Variants in DMXL2 observed in about 807,000 individuals in gnomAD.
DMXL2 encodes the protein dmX-like protein 2.
Under a neutral mutation model 331.1 loss-of-function variants are expected in DMXL2, and 103 were observed. The observed-to-expected ratio is 0.31, with a 90% CI of 0.27 to 0.37. DMXL2 has a LOEUF of 0.37. Among genes scored for constraint, DMXL2 ranks in the 10% least tolerant of loss-of-function variants. The pLI is 1.00. For missense variants in DMXL2, 3,171 were observed against 3,642.9 expected (o/e 0.87, Z 3.33); for synonymous variants, 1,281 against 1,252.1 (o/e 1.02, Z -0.49).
At chr15:51,583,330 T>C (rs900527398) in intron 1 of DMXL2, among the ~76,000 whole-genome samples, 2 of 93,926 alleles carry the variant, frequency 2.1e-5, no homozygotes, top group East Asian at 6.0e-4. Flanking sequence ...CCTGTGTCCA[T>C]GTGATCTCAT....
At chr15:51,480,408 C>T in intron 24 of DMXL2, 134 bp downstream of exon 24, 4 of 1,123,768 alleles carry the variant, frequency 3.6e-6, no homozygotes, top group Non-Finnish European at 3.6e-6. Context: ...TAAATATCTG[C>T]CTCCTATAAA....
At chr15:51,519,636 G>GTTTTTTTTTT (rs61062444) in intron 13 of DMXL2, among the ~76,000 whole-genome samples, 17 of 84,902 alleles carry the variant, frequency 2.0e-4, no homozygotes, top group South Asian at 4.6e-4. Flanking sequence ...AAAGTCTCTT[G>GTTTTTTTTTT]TTTTTTTTTT....
chr15:51,518,195 T>C (rs1218619893), intron 13 of DMXL2, among the ~76,000 whole-genome samples: 1 of 151,374 alleles, frequency 6.6e-6, no homozygotes, highest in Non-Finnish European at 1.5e-5. Context: ...TAGTGGGGAG[T>C]GATGGAGGGT....
intron 29 of DMXL2, among the ~76,000 whole-genome samples, chr15:51,470,283 A>G (rs1240588064): frequency 6.6e-6 from 1 of 152,064 alleles, no homozygotes; most frequent in Non-Finnish European, 1.5e-5. Context: ...CTACAGGCAA[A>G]CAGCACTGCA....
intron 1 of DMXL2, among the ~76,000 whole-genome samples, chr15:51,587,105 G>A (rs773820707): frequency 5.9e-5 from 9 of 151,986 alleles, no homozygotes; most frequent in Non-Finnish European, 1.3e-4. Flanking sequence ...GTAACAATTT[G>A]CTTCATAACA....
chr15:51,453,292 G>T, intron 41 of DMXL2: 1 of 267,676 alleles, frequency 3.7e-6, no homozygotes, highest in Non-Finnish European at 6.9e-6. Flanking sequence ...TAGTCCTAGA[G>T]AAACTAACAG....
chr15:51,486,401 C>A, intron 22 of DMXL2, 64 bp from the exon 23 acceptor site: 2 of 1,198,456 alleles, frequency 1.7e-6, no homozygotes, highest in South Asian at 1.5e-5. Context: ...ATGAAATATC[C>A]CATCAATACC....
At chr15:51,554,581 C>A (rs1284298860) in intron 6 of DMXL2, among the ~76,000 whole-genome samples, 1 of 152,172 alleles carries the variant, frequency 6.6e-6, no homozygotes, top group African/African-American at 2.4e-5. Flanking sequence ...ACATTTCTAT[C>A]CAGAAATACT....
chr15:51,466,269 C>T lies in DMXL2; in HGVS notation c.7435G>A (p.Asp2479Asn). 1 of 1,552,262 alleles carries T rather than the reference C, an allele frequency of 6.4e-7. No individual in the cohort carries two copies. The change falls in exon 30 of 44, where the codon GAT (aspartate) becomes AAT (asparagine). Residue 2479 changes from aspartate (D) to asparagine (N), a missense_variant. This residue lies in a region of DMXL2 where 766 missense variants were observed against 940.5 expected (regional missense o/e 0.81). Transcript: ENST00000560891. The part of the protein sequence containing the change: ...LSDSGVIYDS[D>N]ESIHSDEEDD... ...TCTTCATCACTATGAATGCTTTCAT[C>T]AGAATCATATATAACACCACTATCA...
chr15:51,468,870 T>C (rs1244637234), intron 29 of DMXL2, among the ~76,000 whole-genome samples: 1 of 152,154 alleles, frequency 6.6e-6, no homozygotes, highest in Admixed American at 6.6e-5. Context: ...GAACAAAATA[T>C]GGTGATGCCA....
intron 30 of DMXL2, 102 bp downstream of exon 30, chr15:51,466,082 T>C (rs1004733211): frequency 3.0e-6 from 3 of 1,007,176 alleles, no homozygotes; most frequent in East Asian, 3.2e-5. Flanking sequence ...TCATTTCTTA[T>C]ATAAATTCAG....
intron 1 of DMXL2, among the ~76,000 whole-genome samples, chr15:51,583,232 T>C (rs548447068): frequency 2.6e-4 from 27 of 105,236 alleles, no homozygotes; most frequent in African/African-American, 9.3e-4. Context: ...CCCACTAATG[T>C]GTCATCTAGC....
chr15:51,574,813 T>C (rs1197312570), intron 2 of DMXL2, among the ~76,000 whole-genome samples: 4 of 152,250 alleles, frequency 2.6e-5, no homozygotes, highest in South Asian at 2.1e-4. Flanking sequence ...ATGTCTTATA[T>C]ACTTTTTTAA....
chr15:51,496,899 T>A (rs1429721683), intron 18 of DMXL2, among the ~76,000 whole-genome samples: 1 of 152,210 alleles, frequency 6.6e-6, no homozygotes, highest in Non-Finnish European at 1.5e-5. Flanking sequence ...AGCTTCAGTT[T>A]CCCACCTGTG....
chr15:51,538,160 C>T, intron 10 of DMXL2, 53 bp downstream of exon 10: 2 of 1,550,958 alleles, frequency 1.3e-6, no homozygotes, highest in Non-Finnish European at 1.7e-6. Context: ...AAAGTGGTAC[C>T]ACAGAAAGCT....
chr15:51,502,773 A>G (rs1463800230), intron 17 of DMXL2, 33 bp downstream of exon 17: 1 of 1,443,066 alleles, frequency 6.9e-7, no homozygotes, highest in Non-Finnish European at 9.8e-7. Flanking sequence ...TATCACTCTG[A>G]GCTACCACTG....
In DMXL2 at chr15:51,488,491, T is replaced by C; in HGVS notation, c.5051+57A>G. ...ATTATTTTCAAAAGCATTAGGTTTC[T>C]TACTCACAGCACAATCTTCATTCTG... On this transcript the variant is annotated intron_variant, in intron 21 of 43. Coordinates refer to ENST00000560891, the MANE Select transcript of DMXL2 (RefSeq NM_001378457.1). The C allele has an allele frequency of 2.1e-6, 3 of 1,432,784 alleles. No individual in the cohort carries two copies. In the Admixed American group the frequency reaches 5.5e-5, roughly 26 times the overall value. The allele number at this position is 1,432,784 out of a possible 1,614,324, so 88.8% of individuals were successfully genotyped here.
intron 23 of DMXL2, among the ~76,000 whole-genome samples, chr15:51,484,674 C>T (rs1470336559): frequency 6.6e-6 from 1 of 151,874 alleles, no homozygotes; most frequent in Non-Finnish European, 1.5e-5. Context: ...AAATATGACA[C>T]CAAAGGAAAA....
rs1307042273 is a variant in DMXL2, at chr15:51,448,070, T to A, written c.*914A>T. On this transcript the variant is annotated 3_prime_UTR_variant, in exon 44 of 44. Transcript: ENST00000560891. ...AGCAAATATTTAACTCTGCATAGTTTATACAATAGGCTGTGGCAATAAATA... is the reference window on the plus strand; with the variant it reads ...AGCAAATATTTAACTCTGCATAGTTAATACAATAGGCTGTGGCAATAAATA... The A allele has an allele frequency of 1.3e-5, 2 of 152,672 alleles. No individual in the cohort carries two copies. The highest frequency in any genetic ancestry group is 2.1e-4 in the South Asian group (1 of 4,836). The allele number at this position is 152,672 out of a possible 1,614,324, so 9.5% of individuals were successfully genotyped here. A position where few individuals can be genotyped will look rare whatever the true frequency, so the allele number is the denominator to read the frequency against.
Sources: allele counts gnomAD v4.1 joint callset (sites outside exome capture counted in the v4.1 genomes callset), GRCh38; gene constraint gnomAD v4.1.1; regional missense constraint gnomAD v4.1.1; transcripts MANE v1.5; gene names NCBI Gene and HGNC (gene_info 2026-07-23, HGNC 2026-07-21).